Variants in ADAMTS2 observed in about 807,000 individuals in gnomAD.
The protein encoded by ADAMTS2 is ADAM metallopeptidase with thrombospondin type 1 motif 2.
A neutral mutation model predicts 123.0 loss-of-function variants in ADAMTS2; 50 were observed. That is an observed-to-expected ratio of 0.41 (90% CI 0.32 to 0.51). ADAMTS2 has a LOEUF of 0.51. Among genes scored for constraint, ADAMTS2 ranks in the 20% least tolerant of loss-of-function variants. ADAMTS2 has a pLI of 0.35. For missense variants in ADAMTS2, 1,494 were observed against 1,705.2 expected (o/e 0.88, Z 2.18); for synonymous variants, 678 against 695.4 (o/e 0.98, Z 0.39).
In ADAMTS2 at chr5:179,324,998, C is replaced by T. The variant is rs1477582329; in HGVS notation, c.534+18769G>A. 7.2e-5 allele frequency among the ~76,000 whole-genome samples: 11 copies of T among 152,200 alleles called. No individual in the cohort carries two copies. In the East Asian group the frequency reaches 1.2e-3, roughly 16 times the overall value. ...AGGAGTCTCAGCTTCTTCAGCCACC[C>T]GATCACACCCCGACACACACTAGGC... On this transcript the variant is annotated intron_variant, in intron 2 of 21. Coordinates refer to ENST00000251582, the MANE Select transcript of ADAMTS2 (RefSeq NM_014244.5).
At position 179,132,753 on chromosome 5, in the gene ADAMTS2, G is replaced by A; in HGVS notation, c.2209+24C>T. On this transcript the variant is annotated intron_variant, in intron 14 of 21. Coordinates refer to ENST00000251582, the MANE Select transcript of ADAMTS2 (RefSeq NM_014244.5). The surrounding 1 kb of genome is among the most constrained non-coding windows in gnomAD (Gnocchi z 6.1). ...CCTGCTGCAGGCATCCAGGCTCCAG[G>A]GTGGAGAGCAGGGACCCACTCACCA... 6.2e-7 allele frequency: 1 copy of A among 1,613,952 alleles called. No homozygotes were observed. The highest frequency in any genetic ancestry group is 8.5e-7 in the Non-Finnish European group (1 of 1,179,948).
At chr5:179,154,265 AG>A in intron 7 of ADAMTS2, 73 bp from the exon 8 acceptor site, 1 of 1,530,638 alleles carries the variant, frequency 6.5e-7, no homozygotes, top group Non-Finnish European at 8.7e-7. Flanking sequence ...CCCCGATGAT[AG>A]GAGGGTGCCC....
Position 179,202,728 on chromosome 5 carries a change from A to C in ADAMTS2, c.891+4785T>G, listed in dbSNP as rs1395199273. On this transcript the variant is annotated intron_variant, in intron 4 of 21. Transcript: ENST00000251582. This position sits in a 1 kb window ranked among gnomAD's most constrained non-coding sequence, Gnocchi z 4.0. ...AATACACCGCACACCGTGTTTCCTT[A>C]CTCACACCATGGCGCGGGGTGGGTC... 6.8e-6 allele frequency among the ~76,000 whole-genome samples: 1 copy of C among 146,698 alleles called. No individual in the cohort carries two copies. Among genetic ancestry groups the C allele is most frequent in the African/African-American group, 2.5e-5 (1 of 39,852 alleles).
chr5:179,270,310 T>G (rs908915914), intron 3 of ADAMTS2, among the ~76,000 whole-genome samples: 1 of 152,082 alleles, frequency 6.6e-6, no homozygotes, highest in African/African-American at 2.4e-5. Flanking sequence ...CCCAGACAGA[T>G]GCCCATCCCC....
chr5:179,197,658 G>A lies in ADAMTS2; in HGVS notation c.891+9855C>T, dbSNP rs1375726325. On this transcript the variant is annotated intron_variant, in intron 4 of 21. Transcript: ENST00000251582. This position sits in a 1 kb window ranked among gnomAD's most constrained non-coding sequence, Gnocchi z 4.2. ...GAAGTTTGAGGCTGCAGTGAGCTAT[G>A]ATTGCAGCACTACGCTCCAGCCTGG... 1.3e-5 allele frequency among the ~76,000 whole-genome samples: 2 copies of A among 152,266 alleles called. No homozygotes were observed. Among genetic ancestry groups the A allele is most frequent in the Admixed American group, 6.5e-5 (1 of 15,296 alleles).
chr5:179,203,172 A>C (rs2113364765), intron 4 of ADAMTS2, among the ~76,000 whole-genome samples: 1 of 152,314 alleles, frequency 6.6e-6, no homozygotes, highest in East Asian at 1.9e-4. Flanking sequence ...CAGAGCCTGC[A>C]TTCCCTGGGT....
At chr5:179,289,979 G>C (rs1047163173) in intron 2 of ADAMTS2, among the ~76,000 whole-genome samples, 34 of 152,214 alleles carry the variant, frequency 2.2e-4, no homozygotes, top group African/African-American at 7.5e-4. Context: ...ATGCCACGTG[G>C]GATCCTGAGG....
At chr5:179,218,176 T>A (rs765876103) in intron 3 of ADAMTS2, among the ~76,000 whole-genome samples, 1 of 152,180 alleles carries the variant, frequency 6.6e-6, no homozygotes, top group Non-Finnish European at 1.5e-5. Context: ...ACACAAGCAC[T>A]GCCAGGGCCT....
chr5:179,211,207 T>C (rs990072969), intron 3 of ADAMTS2, among the ~76,000 whole-genome samples: 2 of 152,226 alleles, frequency 1.3e-5, no homozygotes, highest in African/African-American at 4.8e-5. Flanking sequence ...TGAGCTGTGG[T>C]GACTGGGAGC....
In ADAMTS2 at chr5:179,260,775, G is replaced by A. The variant is rs1427133440; in HGVS notation, c.688+12136C>T. On this transcript the variant is annotated intron_variant, in intron 3 of 21. Coordinates refer to ENST00000251582, the MANE Select transcript of ADAMTS2 (RefSeq NM_014244.5). This position sits in a 1 kb window ranked among gnomAD's most constrained non-coding sequence, Gnocchi z 4.2. ...AAGAATCCTAGGAGATGATGTACCT[G>A]CAGCGTGCTGGCAGACGCGGTCAAC... Among the ~76,000 whole-genome samples the A allele has an allele frequency of 6.6e-6, 1 of 152,226 alleles. No individual in the cohort carries two copies. The highest frequency in any genetic ancestry group is 1.5e-5 in the Non-Finnish European group (1 of 68,038).
intron 3 of ADAMTS2, among the ~76,000 whole-genome samples, chr5:179,265,057 C>T (rs946177899): frequency 9.9e-5 from 15 of 152,246 alleles, no homozygotes; most frequent in African/African-American, 3.4e-4. Context: ...GAACCCTGCA[C>T]CAAACTGCCC....
rs528937903 is a variant in ADAMTS2 at position 179,127,911 on chromosome 5, G to A, written c.2617+48C>T. 183 of 1,609,954 alleles carry A rather than the reference G, an allele frequency of 1.1e-4. 1 individual carries two copies. The South Asian group carries it at 1.6e-3, about 14-fold the overall frequency. On this transcript the variant is annotated intron_variant, in intron 17 of 21. Transcript: ENST00000251582. Reference sequence around the variant, plus strand: ...CCCCAGGGATGCTCCCTACCTTCTCGTGGTCACCCTCATGTCACCCAGGTC... The same window carrying A: ...CCCCAGGGATGCTCCCTACCTTCTCATGGTCACCCTCATGTCACCCAGGTC...
chr5:179,246,533 C>A (rs1765805056), intron 3 of ADAMTS2, among the ~76,000 whole-genome samples: 1 of 152,078 alleles, frequency 6.6e-6, no homozygotes, highest in South Asian at 2.1e-4. Flanking sequence ...CTTGTGCATA[C>A]CAGAGAATCT....
At chr5:179,179,890 A>C (rs913373228) in intron 5 of ADAMTS2, among the ~76,000 whole-genome samples, 3 of 152,206 alleles carry the variant, frequency 2.0e-5, no homozygotes, top group Non-Finnish European at 4.4e-5. Context: ...AACAGAGTTC[A>C]ACTTTTATAT....
intron 2 of ADAMTS2, among the ~76,000 whole-genome samples, chr5:179,316,450 T>C (rs1252366762): frequency 6.6e-6 from 1 of 152,138 alleles, no homozygotes; most frequent in Non-Finnish European, 1.5e-5. Flanking sequence ...TCATTGCATG[T>C]GGGCATCCCA....
chr5:179,267,954 C>T (rs938970703), intron 3 of ADAMTS2, among the ~76,000 whole-genome samples: 2 of 152,216 alleles, frequency 1.3e-5, no homozygotes, highest in African/African-American at 4.8e-5. Context: ...CTCTCGTACC[C>T]GGGTCGGCCT....
Position 179,189,510 on chromosome 5 carries a change from G to GCTTTTTTTTTTTTTTTTT in ADAMTS2, c.892-8356_892-8355insAAAAAAAAAAAAAAAAAG, listed in dbSNP as rs1554128903. On this transcript the variant is annotated intron_variant, in intron 4 of 21. Coordinates refer to ENST00000251582, the MANE Select transcript of ADAMTS2 (RefSeq NM_014244.5). This position sits in a 1 kb window ranked among gnomAD's most constrained non-coding sequence, Gnocchi z 4.2. ...CTACAGGCGCCCGCCAGTGCGCCTG[G>GCTTTTTTTTTTTTTTTTT]TTTTTTTTTTTTTTTTTTTTTTTTT... Among the ~76,000 whole-genome samples the GCTTTTTTTTTTTTTTTTT allele has an allele frequency of 2.5e-5, 2 of 78,948 alleles. 1 individual carries two copies. The highest frequency in any genetic ancestry group is 9.1e-4 in the South Asian group (2 of 2,208). 51.8% of individuals were successfully genotyped at this position (78,948 alleles called of 152,430 possible).
intron 2 of ADAMTS2, among the ~76,000 whole-genome samples, chr5:179,330,407 G>A (rs937907765): frequency 3.9e-5 from 6 of 152,192 alleles, no homozygotes; most frequent in South Asian, 2.1e-4. Flanking sequence ...AGGCCACAGC[G>A]TAGTCACCAC....
intron 12 of ADAMTS2, 46 bp downstream of exon 12, chr5:179,137,723 G>A (rs765410304): frequency 1.5e-5 from 16 of 1,046,570 alleles, no homozygotes; most frequent in East Asian, 3.4e-5. Flanking sequence ...GCCCACCCTA[G>A]GGCCTGCCTG....
Sources: allele counts gnomAD v4.1 joint callset (sites outside exome capture counted in the v4.1 genomes callset), GRCh38; gene constraint gnomAD v4.1.1; non-coding constraint Gnocchi (gnomAD v3.1); transcripts MANE v1.5; gene names NCBI Gene and HGNC (gene_info 2026-07-23, HGNC 2026-07-21).